Variants in KCNN2 observed in about 807,000 individuals in gnomAD.
KCNN2 encodes the protein potassium calcium-activated channel subfamily N member 2.
KCNN2 carries 24 observed loss-of-function variants against 55.5 expected under a neutral mutation model. That is an observed-to-expected ratio of 0.43 (90% confidence interval 0.31 to 0.61). KCNN2 has a LOEUF of 0.61. Ranked by LOEUF, KCNN2 falls within the 20% of genes least tolerant of loss-of-function variation. The pLI is 0.08. For missense variants in KCNN2, 754 were observed against 853.6 expected, an observed-to-expected ratio of 0.88 and a Z score of 1.45; for synonymous variants, 431 against 336.1, an observed-to-expected ratio of 1.28 and a Z score of -3.09.
chr5:114,176,499 A>G (rs1312399394), intron 1 of KCNN2, among the ~76,000 whole-genome samples: 1 of 151,820 alleles, frequency 6.6e-6, no homozygotes, highest in East Asian at 1.9e-4. Context: ...GAGTTGCTCA[A>G]ATACTTTACA....
At chr5:114,332,550 G>C (rs1338070363) in intron 2 of KCNN2, among the ~76,000 whole-genome samples, 2 of 152,150 alleles carry the variant, frequency 1.3e-5, no homozygotes, top group Non-Finnish European at 2.9e-5. Context: ...AGTTCAGTTG[G>C]GGTTGATATT....
intron 2 of KCNN2, among the ~76,000 whole-genome samples, chr5:114,310,779 AG>A (rs1448108662): frequency 6.6e-6 from 1 of 152,150 alleles, no homozygotes; most frequent in Non-Finnish European, 1.5e-5. Context: ...TTGGAAGCTG[AG>A]GGCAAAGTGG....
At chr5:114,274,314 A>G (rs574706103) in intron 2 of KCNN2, among the ~76,000 whole-genome samples, 3 of 147,538 alleles carry the variant, frequency 2.0e-5, no homozygotes, top group Non-Finnish European at 4.5e-5. Flanking sequence ...TGTGTTGGCT[A>G]TGTGGACTCT....
chr5:114,389,963 C>T (rs911669927), intron 2 of KCNN2, among the ~76,000 whole-genome samples: 5 of 152,096 alleles, frequency 3.3e-5, no homozygotes, highest in African/African-American at 9.7e-5. Flanking sequence ...ACTTTAGCTT[C>T]AGGTTTTTCA....
intron 2 of KCNN2, among the ~76,000 whole-genome samples, chr5:114,254,361 A>T (rs1487461779): frequency 6.6e-6 from 1 of 152,236 alleles, no homozygotes; most frequent in African/African-American, 2.4e-5. Context: ...TGCACAGATT[A>T]GAAATGTTTA....
intron 5 of KCNN2, among the ~76,000 whole-genome samples, chr5:114,479,660 C>G (rs1561410646): frequency 1.3e-5 from 2 of 152,076 alleles, no homozygotes; most frequent in African/African-American, 4.8e-5. Context: ...TGCAAAAGAA[C>G]TGAAATCATA....
intron 2 of KCNN2, among the ~76,000 whole-genome samples, chr5:114,384,193 A>T (rs1758211379): frequency 6.6e-6 from 1 of 152,234 alleles, no homozygotes; most frequent in African/African-American, 2.4e-5. Flanking sequence ...AATACCTCTT[A>T]AAAACTTATG....
chr5:114,389,415 A>AGCC (rs1362203659), intron 2 of KCNN2, among the ~76,000 whole-genome samples: 3 of 152,174 alleles, frequency 2.0e-5, no homozygotes, highest in African/African-American at 7.2e-5. Context: ...TTCATATGCT[A>AGCC]GCCCTGTATC....
chr5:114,163,563 T>C (rs1199210917), intron 1 of KCNN2, among the ~76,000 whole-genome samples: 2 of 152,228 alleles, frequency 1.3e-5, no homozygotes, highest in Non-Finnish European at 2.9e-5. Context: ...TTTTTGTCTT[T>C]AATTCTTTTA....
At chr5:114,339,373 G>C (rs1404256233) in intron 2 of KCNN2, among the ~76,000 whole-genome samples, 1 of 152,156 alleles carries the variant, frequency 6.6e-6, no homozygotes, top group African/African-American at 2.4e-5. Flanking sequence ...ATGCAAACTG[G>C]TATTATTAGA....
At chr5:114,239,228 A>G (rs1218629427) in intron 2 of KCNN2, among the ~76,000 whole-genome samples, 1 of 152,160 alleles carries the variant, frequency 6.6e-6, no homozygotes, top group Non-Finnish European at 1.5e-5. Flanking sequence ...AGAGAAGCAA[A>G]GATAAAATTA....
intron 1 of KCNN2, among the ~76,000 whole-genome samples, chr5:114,189,050 C>T (rs1437480259): frequency 6.6e-6 from 1 of 151,896 alleles, no homozygotes; most frequent in Non-Finnish European, 1.5e-5. Context: ...AAAGTTGAAT[C>T]TTTGGGACAG....
rs952161166 is a variant in KCNN2, at chr5:114,145,878, T to C, written c.-270-75602T>C. 1.3e-4 allele frequency among the ~76,000 whole-genome samples: 20 copies of C among 152,172 alleles called. 1 individual carries two copies. The highest frequency in any genetic ancestry group is 8.5e-4 in the Admixed American group (13 of 15,272). ...AGACGAGTTGTTTAGGATGGCTGAC[T>C]GGATTGTCTGTTGTAAAGGAGTTAG... On this transcript the variant is annotated intron_variant, in intron 1 of 10. Coordinates refer to the KCNN2 transcript ENST00000512097.
intron 5 of KCNN2, among the ~76,000 whole-genome samples, chr5:114,485,017 A>G (rs1178573071): frequency 6.6e-6 from 1 of 152,192 alleles, no homozygotes; most frequent in Admixed American, 6.5e-5. Flanking sequence ...CTTTCTTCAT[A>G]TACCCAAGAG....
At chr5:114,304,152 A>G (rs1756221182) in intron 2 of KCNN2, among the ~76,000 whole-genome samples, 1 of 152,128 alleles carries the variant, frequency 6.6e-6, no homozygotes, top group African/African-American at 2.4e-5. Flanking sequence ...TCCTGGTGGG[A>G]GGGATATAGA....
chr5:114,436,914 TTTTTA>T (rs1760024174), intron 3 of KCNN2, among the ~76,000 whole-genome samples: 1 of 152,166 alleles, frequency 6.6e-6, no homozygotes, highest in East Asian at 1.9e-4. Flanking sequence ...GGAATTGTAT[TTTTTA>T]TTTTATTTAA....
intron 2 of KCNN2, among the ~76,000 whole-genome samples, chr5:114,377,727 A>G (rs1376635488): frequency 6.6e-6 from 1 of 152,170 alleles, no homozygotes; most frequent in Non-Finnish European, 1.5e-5. Flanking sequence ...ACTCTGTGTG[A>G]CCGTAAGAAG....
chr5:114,293,742 G>GAC lies in KCNN2; in HGVS notation c.-184-67202_-184-67201insCA, dbSNP rs1755946461. Among the ~76,000 whole-genome samples, 4 of 152,266 alleles carry GAC rather than the reference G, an allele frequency of 2.6e-5. No homozygotes were observed. In the South Asian group the frequency reaches 8.3e-4, roughly 32 times the overall value. ...AGGGAGGATTCCCTCTTTTTCTATT[G>GAC]ATTGGGAGAGTTTCAGAAGGAATGG... On this transcript the variant is annotated intron_variant, in intron 2 of 10. Coordinates refer to the KCNN2 transcript ENST00000512097.
intron 3 of KCNN2, among the ~76,000 whole-genome samples, chr5:114,438,574 G>T (rs2150092535): frequency 6.6e-6 from 1 of 152,200 alleles, no homozygotes; most frequent in South Asian, 2.1e-4. Context: ...GTTCCCAGGG[G>T]TAGTTTAGCC....
Sources: gnomAD v4.1 joint callset for allele counts (sites outside exome capture counted in the v4.1 genomes callset) on GRCh38, gnomAD v4.1.1 for gene constraint, MANE v1.5 for transcripts, NCBI Gene and HGNC (gene_info 2026-07-23, HGNC 2026-07-21) for gene names.